ZBTB20: variants seen among roughly 807,000 people sequenced by gnomAD.
ZBTB20 encodes the protein zinc finger and BTB domain-containing protein 20.
A neutral mutation model predicts 56.9 loss-of-function variants in ZBTB20; 9 were observed. The observed-to-expected ratio is 0.16, with a 90% CI of 0.10 to 0.28. ZBTB20 has a LOEUF of 0.28. Among genes scored for constraint, ZBTB20 ranks in the 10% least tolerant of loss-of-function variants. The pLI is 1.00. For synonymous variants in ZBTB20, 417 were observed against 420.7 expected (o/e 0.99, Z 0.11); for missense variants, 655 against 1,003.0 (o/e 0.65, Z 4.69).
intron 6 of ZBTB20, among the ~76,000 whole-genome samples, chr3:114,619,080 T>C (rs1375702382): frequency 1.3e-5 from 2 of 152,156 alleles, no homozygotes; most frequent in Non-Finnish European, 2.9e-5. Flanking sequence ...CCTGCCAGAA[T>C]GAACTGGAAG....
At chr3:114,810,810 G>C (rs1049929587) in intron 4 of ZBTB20, among the ~76,000 whole-genome samples, 7 of 152,110 alleles carry the variant, frequency 4.6e-5, no homozygotes, top group Admixed American at 2.6e-4. Flanking sequence ...GGGGTGGCGG[G>C]GGGGAAGTCT....
At chr3:114,986,359 C>A (rs552898044) in intron 2 of ZBTB20, among the ~76,000 whole-genome samples, 1 of 152,226 alleles carries the variant, frequency 6.6e-6, no homozygotes, top group Non-Finnish European at 1.5e-5. Flanking sequence ...TGAAAAGCTA[C>A]AACAAACACT....
intron 8 of ZBTB20, among the ~76,000 whole-genome samples, chr3:114,382,498 T>C (rs1262700595): frequency 1.3e-5 from 2 of 152,236 alleles, no homozygotes; most frequent in African/African-American, 4.8e-5. Context: ...AAGTTTTCTC[T>C]TACTTTGAAT....
chr3:114,745,336 C>T (rs2066951193), intron 5 of ZBTB20, among the ~76,000 whole-genome samples: 2 of 152,110 alleles, frequency 1.3e-5, no homozygotes. Context: ...TAACCCAATG[C>T]CCATTCATTA....
chr3:114,784,643 A>G (rs551329754), intron 5 of ZBTB20, among the ~76,000 whole-genome samples: 1 of 152,338 alleles, frequency 6.6e-6, no homozygotes, highest in South Asian at 2.1e-4. Context: ...TAAATTATGC[A>G]TGTATTTTAG....
chr3:114,599,045 G>A (rs1024381310), intron 6 of ZBTB20, among the ~76,000 whole-genome samples: 4 of 151,968 alleles, frequency 2.6e-5, no homozygotes, highest in East Asian at 1.9e-4. Context: ...CCACCACACC[G>A]TTTTTAGTTG....
chr3:114,573,525 GAGAGAGAA>G (rs2053669979), intron 6 of ZBTB20, among the ~76,000 whole-genome samples: 1 of 136,376 alleles, frequency 7.3e-6, no homozygotes, highest in African/African-American at 2.7e-5. Flanking sequence ...AAGAAACAGA[GAGAGAGAA>G]AGAGAGAAAG....
intron 7 of ZBTB20, among the ~76,000 whole-genome samples, chr3:114,497,362 G>C (rs2043399299): frequency 6.6e-6 from 1 of 152,062 alleles, no homozygotes; most frequent in South Asian, 2.1e-4. Flanking sequence ...CCTCCGTATG[G>C]CAGGCAAGGT....
intron 4 of ZBTB20, among the ~76,000 whole-genome samples, chr3:114,862,270 G>C (rs1477504890): frequency 6.6e-6 from 1 of 152,120 alleles, no homozygotes; most frequent in Non-Finnish European, 1.5e-5. Context: ...TTTTAGGTGA[G>C]AGTCACATGG....
intron 4 of ZBTB20, among the ~76,000 whole-genome samples, chr3:114,884,157 C>G (rs1201183208): frequency 6.6e-6 from 1 of 151,162 alleles, no homozygotes; most frequent in Admixed American, 6.6e-5. Context: ...GATCTCCTGA[C>G]CTCGTGATCC....
At chr3:114,417,008 T>G (rs1055578160) in intron 7 of ZBTB20, among the ~76,000 whole-genome samples, 2 of 152,126 alleles carry the variant, frequency 1.3e-5, no homozygotes, top group African/African-American at 4.8e-5. Context: ...AGAGTTTGTT[T>G]TATTTTCTTA....
In ZBTB20 at chr3:114,326,023, A is replaced by C. The variant is rs2079052772; in HGVS notation, c.*12982T>G. ...GGCAGGTGCAGGGGTGTGGGGAAGG[A>C]GAGAGAAGCAATGGGGAAACAGGTG... On this transcript the variant is annotated 3_prime_UTR_variant, in exon 12 of 12. Transcript: ENST00000675478. The C allele has an allele frequency of 6.6e-6, 1 of 152,068 alleles. No homozygotes were observed. Among genetic ancestry groups the C allele is most frequent in the Non-Finnish European group, 1.5e-5 (1 of 68,010 alleles). 9.4% of individuals were successfully genotyped at this position (152,068 alleles called of 1,614,324 possible).
chr3:114,779,618 A>C (rs775652502), intron 5 of ZBTB20, among the ~76,000 whole-genome samples: 5 of 152,334 alleles, frequency 3.3e-5, no homozygotes, highest in Middle Eastern at 3.4e-3. Context: ...CTTTTAGCAC[A>C]GATTATGATC....
chr3:115,125,884 T>C (rs1457233649), intron 1 of ZBTB20, among the ~76,000 whole-genome samples: 2 of 152,180 alleles, frequency 1.3e-5, no homozygotes, highest in African/African-American at 4.8e-5. Context: ...ATAATCATTT[T>C]TTAAAATAAT....
At chr3:114,586,751 G>C (rs1577771963) in intron 6 of ZBTB20, among the ~76,000 whole-genome samples, 2 of 152,278 alleles carry the variant, frequency 1.3e-5, no homozygotes, top group South Asian at 2.1e-4. Context: ...TCCTTCACCT[G>C]AAGTTGCTGA....
intron 4 of ZBTB20, among the ~76,000 whole-genome samples, chr3:114,809,736 G>T (rs2072377164): frequency 6.6e-6 from 1 of 151,388 alleles, no homozygotes; most frequent in South Asian, 2.1e-4. Context: ...TCTTAAATTG[G>T]GTATGAGTCA....
intron 7 of ZBTB20, among the ~76,000 whole-genome samples, chr3:114,434,107 C>T (rs2090328832): frequency 6.6e-6 from 1 of 152,128 alleles, no homozygotes; most frequent in South Asian, 2.1e-4. Flanking sequence ...TAACACCCTG[C>T]TAGAAGTTGG....
chr3:114,356,619 T>C (rs1289451919), intron 10 of ZBTB20, among the ~76,000 whole-genome samples: 5 of 134,116 alleles, frequency 3.7e-5, no homozygotes, highest in Non-Finnish European at 6.8e-5. Flanking sequence ...ATGAGGTTAG[T>C]GGGTCTTGCA....
chr3:114,942,595 CA>C (rs2076756623), intron 3 of ZBTB20, among the ~76,000 whole-genome samples: 1 of 145,504 alleles, frequency 6.9e-6, no homozygotes, highest in South Asian at 2.2e-4. Context: ...TAGCTTATAT[CA>C]AATCACCCCC....
Sources: gnomAD v4.1 joint callset for allele counts (sites outside exome capture counted in the v4.1 genomes callset) on GRCh38, gnomAD v4.1.1 for gene constraint, MANE v1.5 for transcripts, NCBI Gene and HGNC (gene_info 2026-07-23, HGNC 2026-07-21) for gene names.